Variants in AXIN1 observed in about 807,000 individuals in gnomAD.
AXIN1 encodes axin-1.
Under a neutral mutation model 76.4 loss-of-function variants are expected in AXIN1, and 30 were observed. The ratio of observed to expected loss-of-function variants is 0.39; its 90% CI spans 0.29 to 0.53. The LOEUF is 0.53. AXIN1 is among the 20% of genes least tolerant of loss of function. AXIN1 has a pLI of 0.66. For missense variants in AXIN1, 1,140 were observed against 1,198.8 expected, an observed-to-expected ratio of 0.95 and a Z score of 0.72; for synonymous variants, 545 against 501.4, an observed-to-expected ratio of 1.09 and a Z score of -1.16.
At chr16:351,864 T>G (rs2054151937) in intron 1 of AXIN1, among the ~76,000 whole-genome samples, 1 of 152,156 alleles carries the variant, frequency 6.6e-6, no homozygotes, top group Non-Finnish European at 1.5e-5. Flanking sequence ...AGTGCAGCTC[T>G]GGTTTCACGG....
Position 325,091 on chromosome 16 carries a change from C to G in AXIN1, c.879-10408G>C, listed in dbSNP as rs1458833712. Among the ~76,000 whole-genome samples, 7 of 152,020 alleles carry G rather than the reference C, an allele frequency of 4.6e-5. 1 individual carries two copies. Among genetic ancestry groups the G allele is most frequent in the African/African-American group, 1.7e-4 (7 of 41,470 alleles). On this transcript the variant is annotated intron_variant, in intron 2 of 10. Transcript: ENST00000262320. ...GCCCCGCGGGCGCGCCCCAGGAAAC[C>G]ATGGCCTCAGCCCCGCGGGCGGCCC... is the stretch of plus-strand genomic sequence containing the variant.
chr16:313,886 G>A (rs546607981), intron 3 of AXIN1, among the ~76,000 whole-genome samples: 151 of 152,290 alleles, frequency 9.9e-4, no homozygotes, highest in African/African-American at 3.5e-3. Flanking sequence ...CTGTCACCTC[G>A]AGCGTCACAC....
chr16:329,612 ATTTTTGTTTT>A (rs2053652478), intron 2 of AXIN1, among the ~76,000 whole-genome samples: 2 of 143,898 alleles, frequency 1.4e-5, no homozygotes, highest in African/African-American at 2.6e-5. Context: ...TGCCCGGCTA[ATTTTTGTTTT>A]TTTTTGTTTT....
rs2052634460 is a variant in AXIN1 at position 293,782 on chromosome 16, C to CT, written c.1956-65dup. The CT allele has an allele frequency of 7.3e-6, 11 of 1,501,152 alleles. No homozygotes were observed. Among genetic ancestry groups the CT allele is most frequent in the Admixed American group, 6.7e-5 (4 of 59,832 alleles). The allele number at this position is 1,501,152 out of a possible 1,614,324, so 93.0% of individuals were successfully genotyped here. A position where few individuals can be genotyped will look rare whatever the true frequency, so the allele number is the denominator to read the frequency against. Reference sequence around the variant, plus strand: ...ACCCTGGCCAGGTGGCCTGGTGGGGCTACACTCATCTCACAAGGGCAGCCT... The same window carrying CT: ...ACCCTGGCCAGGTGGCCTGGTGGGGCTTACACTCATCTCACAAGGGCAGCCT... On this transcript the variant is annotated intron_variant, in intron 7 of 10. Coordinates refer to ENST00000262320, the MANE Select transcript of AXIN1 (RefSeq NM_003502.4). The surrounding 1 kb of genome is among the most constrained non-coding windows in gnomAD (Gnocchi z 4.6).
intron 7 of AXIN1, among the ~76,000 whole-genome samples, chr16:294,791 G>A (rs948863927): frequency 1.2e-4 from 17 of 146,432 alleles, no homozygotes; most frequent in Non-Finnish European, 1.6e-4. Flanking sequence ...GGCCAGGCGC[G>A]GTGGCTCACG....
In AXIN1 at chr16:321,030, G is replaced by A. The variant is rs554848759; in HGVS notation, c.879-6347C>T. Among the ~76,000 whole-genome samples, 198 of 152,180 alleles carry A rather than the reference G, an allele frequency of 1.3e-3. 2 individuals carry two copies. The highest frequency in any genetic ancestry group is 5.8e-3 in the South Asian group (28 of 4,822). Reference sequence around the variant, plus strand: ...TGGGATTACAGGCTTAAGCCACTGCGCCTGCCCACAAAAAATGTTTCATGC... The same window carrying A: ...TGGGATTACAGGCTTAAGCCACTGCACCTGCCCACAAAAAATGTTTCATGC... On this transcript the variant is annotated intron_variant, in intron 2 of 10. Coordinates refer to ENST00000262320, the MANE Select transcript of AXIN1 (RefSeq NM_003502.4).
At chr16:344,214 G>A (rs969774331) in intron 2 of AXIN1, among the ~76,000 whole-genome samples, 11 of 151,974 alleles carry the variant, frequency 7.2e-5, no homozygotes, top group African/African-American at 2.7e-4. Context: ...AGGCGATCAC[G>A]AGGTCAGGAG....
chr16:339,851 C>T (rs987525017), intron 2 of AXIN1, among the ~76,000 whole-genome samples: 2 of 152,068 alleles, frequency 1.3e-5, no homozygotes, highest in African/African-American at 4.8e-5. Flanking sequence ...ACAAGACAAG[C>T]CTGGGGGCGA....
In AXIN1 at chr16:346,417, C is replaced by T. The variant is rs2054035763; in HGVS notation, c.609G>A (p.Lys203=). ...TCGTATATTCCAAATAAATATCAGACTTAAGGAAGGAGGGATAGGTGTTTT... is the reference window on the plus strand; with the variant it reads ...TCGTATATTCCAAATAAATATCAGATTTAAGGAAGGAGGGATAGGTGTTTT... ...MEENTYPSFL[K]SDIYLEYTRT... The change falls in exon 2 of 11, where the codon AAG becomes AAA. Residue 203 remains lysine (K), a synonymous_variant. Transcript: ENST00000262320. The T allele has an allele frequency of 1.2e-6, 2 of 1,614,198 alleles. No homozygotes were observed. The highest frequency in any genetic ancestry group is 1.7e-6 in the Non-Finnish European group (2 of 1,180,040).
intron 2 of AXIN1, among the ~76,000 whole-genome samples, chr16:344,900 C>T (rs2054003472): frequency 6.6e-6 from 1 of 152,210 alleles, no homozygotes; most frequent in East Asian, 1.9e-4. Context: ...GCTTGAAGAA[C>T]TAATGCGAGT....
At chr16:335,091 G>C (rs1567299527) in intron 2 of AXIN1, among the ~76,000 whole-genome samples, 1 of 151,898 alleles carries the variant, frequency 6.6e-6, no homozygotes, top group Non-Finnish European at 1.5e-5. Context: ...ACATAACAAA[G>C]CCAAAATAAA....
intron 2 of AXIN1, among the ~76,000 whole-genome samples, chr16:324,192 G>A (rs551026560): frequency 5.9e-5 from 9 of 152,332 alleles, no homozygotes; most frequent in Admixed American, 3.3e-4. Context: ...GCCGCCTTAC[G>A]GGTCTTTACG....
rs1805104 is a variant in AXIN1, at chr16:346,804, G to A, written c.222C>T (p.Gly74=). Residue 74 remains glycine, a synonymous_variant, in exon 2 of 11, where the codon GGC becomes GGT. Transcript: ENST00000262320. ...AGTATGGTGGGGTGGGGGAGGCACTGCCCTCAGGCTCATACCCCAGGTCCA... is the reference window on the plus strand; with the variant it reads ...AGTATGGTGGGGTGGGGGAGGCACTACCCTCAGGCTCATACCCCAGGTCCA... The part of the protein sequence containing the change: ...SDLDLGYEPE[G]SASPTPPYLK... 2,628 of 1,612,928 alleles carry A rather than the reference G, an allele frequency of 1.6e-3. 32 individuals are homozygous for A. In the East Asian group the frequency reaches 0.02, roughly 12 times the overall value.
intron 4 of AXIN1, among the ~76,000 whole-genome samples, chr16:307,809 G>C (rs968753625): frequency 6.6e-6 from 1 of 152,172 alleles, no homozygotes; most frequent in Non-Finnish European, 1.5e-5. Flanking sequence ...GTGCAACCAC[G>C]GCACGTCCTG....
intron 2 of AXIN1, among the ~76,000 whole-genome samples, chr16:335,777 A>C (rs1410650203): frequency 1.3e-5 from 2 of 152,252 alleles, no homozygotes; most frequent in African/African-American, 4.8e-5. Context: ...TGTCTTCCAG[A>C]GAAAAAATAC....
chr16:333,329 T>C (rs879399635), intron 2 of AXIN1, among the ~76,000 whole-genome samples: 7 of 145,260 alleles, frequency 4.8e-5, no homozygotes, highest in Admixed American at 2.1e-4. Flanking sequence ...CGAAATTCCA[T>C]CTCGAAAAAA....
At chr16:328,702 A>T (rs1037148251) in intron 2 of AXIN1, among the ~76,000 whole-genome samples, 1 of 152,262 alleles carries the variant, frequency 6.6e-6, no homozygotes, top group African/African-American at 2.4e-5. Context: ...ATGTCAAAAA[A>T]AATAATAATA....
intron 2 of AXIN1, among the ~76,000 whole-genome samples, chr16:340,605 C>T (rs2053897272): frequency 6.6e-6 from 1 of 152,262 alleles, no homozygotes; most frequent in Non-Finnish European, 1.5e-5. Context: ...CTGATCCACA[C>T]CGCTGAAATG....
intron 2 of AXIN1, among the ~76,000 whole-genome samples, chr16:342,632 A>G (rs2053952237): frequency 6.6e-6 from 1 of 152,186 alleles, no homozygotes; most frequent in Non-Finnish European, 1.5e-5. Context: ...CACAGCCCCC[A>G]GCGCACGCAC....
Sources: allele counts gnomAD v4.1 joint callset (sites outside exome capture counted in the v4.1 genomes callset), GRCh38; gene constraint gnomAD v4.1.1; non-coding constraint Gnocchi (gnomAD v3.1); transcripts MANE v1.5; gene names NCBI Gene and HGNC (gene_info 2026-07-23, HGNC 2026-07-21).